NFE2L3: variants seen among roughly 807,000 people sequenced by gnomAD.
The protein encoded by NFE2L3 is NFE2 like bZIP transcription factor 3, also known as nuclear factor erythroid 2-related factor 3.
A neutral mutation model predicts 23.5 loss-of-function variants in NFE2L3; 18 were observed. That is an observed-to-expected ratio of 0.77 (90% CI 0.53 to 1.13). The LOEUF (loss-of-function observed/expected upper bound fraction) is 1.13, where lower values mean the gene tolerates loss of function less well. Ranked by LOEUF, NFE2L3 falls within the 50% of genes most tolerant of loss-of-function variation. The probability of loss-of-function intolerance (pLI) is 0.00; values close to 1 mark genes in which losing one functional copy is unlikely to be tolerated. For synonymous variants in NFE2L3, 424 were observed against 354.5 expected (o/e 1.20, Z -2.20); for missense variants, 1,152 against 877.2 (o/e 1.31, Z -3.96).
rs1213687645 is a variant in NFE2L3, at chr7:26,186,943, A to G, written c.*1160A>G. ...CACCTAGATGACTCAAGTTTGGGGA[A>G]CATCAAGATTTTGACGGGTACTATA... is the stretch of plus-strand genomic sequence containing the variant. On this transcript the variant is annotated 3_prime_UTR_variant, in exon 4 of 4. Coordinates refer to ENST00000056233, the MANE Select transcript of NFE2L3 (RefSeq NM_004289.7). The G allele has an allele frequency of 1.3e-5, 2 of 152,232 alleles. No homozygotes were observed. Among genetic ancestry groups the G allele is most frequent in the African/African-American group, 4.8e-5 (2 of 41,464 alleles). The allele number at this position is 152,232 out of a possible 1,614,324, so 9.4% of individuals were successfully genotyped here.
In NFE2L3 at chr7:26,152,609, G is replaced by T; in HGVS notation, c.111G>T (p.Pro37=). 1 of 1,542,254 alleles carries T rather than the reference G, an allele frequency of 6.5e-7. No homozygotes were observed. ...ACCTAGATCTTTACCTGCTGCTGCC[G>T]CCGCCCACCCTGCTGCAGGACGAGC... The part of the protein sequence containing the change: ...RVDLDLYLLL[P]PPTLLQDELL... The change falls in exon 1 of 4, where the codon CCG becomes CCT. Residue 37 remains proline (P), a synonymous_variant. Transcript: ENST00000056233. This position sits in a 1 kb window ranked among gnomAD's most constrained non-coding sequence, Gnocchi z 4.4.
At chr7:26,161,326 C>G (rs1784166884) in intron 1 of NFE2L3, among the ~76,000 whole-genome samples, 1 of 129,970 alleles carries the variant, frequency 7.7e-6, no homozygotes, top group African/African-American at 2.8e-5. Context: ...AATTTCTTAG[C>G]TTCTCTCTCT....
At chr7:26,177,902 A>G (rs2128099558) in intron 1 of NFE2L3, 41 bp from the exon 2 acceptor site, 1 of 1,568,710 alleles carries the variant, frequency 6.4e-7, no homozygotes, top group Non-Finnish European at 8.7e-7. Flanking sequence ...TGCAGTTTTA[A>G]AGACTGTTTG....
At position 26,186,293 on chromosome 7, in the gene NFE2L3, ATTAAC is replaced by A. The variant is rs1255605183; in HGVS notation, c.*513_*517del. ...AATAAATTTTGTATTTGTATTAAAA[ATTAAC>A]TTTTCCCTTTTATACAGAATCTGAA... On this transcript the variant is annotated 3_prime_UTR_variant, in exon 4 of 4. Transcript: ENST00000056233. 2 of 152,248 alleles carry A rather than the reference ATTAAC, an allele frequency of 1.3e-5. No individual in the cohort carries two copies. The highest frequency in any genetic ancestry group is 4.8e-5 in the African/African-American group (2 of 41,440). 9.4% of individuals were successfully genotyped at this position (152,248 alleles called of 1,614,324 possible). A position where few individuals can be genotyped will look rare whatever the true frequency, so the allele number is the denominator to read the frequency against.
intron 1 of NFE2L3, among the ~76,000 whole-genome samples, chr7:26,155,262 G>T (rs1302455805): frequency 1.3e-5 from 2 of 152,038 alleles, no homozygotes; most frequent in Non-Finnish European, 2.9e-5. Flanking sequence ...GGGCAACATG[G>T]TGAACCCCAT....
At position 26,185,677 on chromosome 7, in the gene NFE2L3, A is replaced by C. The variant is rs1164540718; in HGVS notation, c.1979A>C (p.Asn660Thr). 41 of 1,613,918 alleles carry C rather than the reference A, an allele frequency of 2.5e-5. No individual in the cohort carries two copies. The highest frequency in any genetic ancestry group is 3.5e-5 in the Non-Finnish European group (41 of 1,179,810). ...RDDQGRPVNPNHYALQCTHDG... is the reference protein window; with the variant it reads ...RDDQGRPVNPTHYALQCTHDG... ...GACCAAGGTAGGCCAGTCAATCCCA[A>C]CCACTATGCTCTCCAGTGTACCCAT... The change falls in exon 4 of 4, where the codon AAC (asparagine) becomes ACC (threonine). Residue 660 changes from asparagine to threonine, a missense_variant. By Grantham distance (65) the Asn-to-Thr change is moderately conservative. Coordinates refer to ENST00000056233, the MANE Select transcript of NFE2L3 (RefSeq NM_004289.7).
chr7:26,175,192 CAA>C (rs55911511), intron 1 of NFE2L3, among the ~76,000 whole-genome samples: 51 of 101,760 alleles, frequency 5.0e-4, no homozygotes, highest in Non-Finnish European at 5.1e-4. Context: ...TAAAAAATAC[CAA>C]AAAAAAAAAA....
intron 1 of NFE2L3, among the ~76,000 whole-genome samples, chr7:26,157,323 G>A (rs758848095): frequency 6.0e-5 from 9 of 150,910 alleles, no homozygotes; most frequent in Non-Finnish European, 1.0e-4. Flanking sequence ...GACTACAGAC[G>A]CGCACCACTG....
At chr7:26,178,347 G>A (rs1199304746) in intron 2 of NFE2L3, among the ~76,000 whole-genome samples, 1 of 152,210 alleles carries the variant, frequency 6.6e-6, no homozygotes, top group Non-Finnish European at 1.5e-5. Context: ...GATTTTGTGT[G>A]TATGTGCACA....
chr7:26,167,917 C>T (rs1450805067), intron 1 of NFE2L3, among the ~76,000 whole-genome samples: 1 of 152,040 alleles, frequency 6.6e-6, no homozygotes, highest in African/African-American at 2.4e-5. Context: ...AAATGAATAT[C>T]TGATTTTTTA....
intron 1 of NFE2L3, among the ~76,000 whole-genome samples, chr7:26,169,252 G>GA (rs1215031823): frequency 9.8e-5 from 15 of 152,344 alleles, no homozygotes; most frequent in African/African-American, 3.6e-4. Context: ...AGCAGACTCT[G>GA]AGACTGCCTT....
intron 1 of NFE2L3, among the ~76,000 whole-genome samples, chr7:26,175,308 C>T (rs1211060634): frequency 1.3e-5 from 2 of 151,816 alleles, no homozygotes; most frequent in Non-Finnish European, 1.5e-5. Flanking sequence ...TGCCGTGAGC[C>T]GAGATCTCGC....
chr7:26,160,641 G>A (rs1463751623), intron 1 of NFE2L3, among the ~76,000 whole-genome samples: 2 of 152,218 alleles, frequency 1.3e-5, no homozygotes, highest in African/African-American at 2.4e-5. Context: ...GGAAACCTCA[G>A]TTTTGCTCTT....
chr7:26,176,582 G>C (rs1443832390), intron 1 of NFE2L3, among the ~76,000 whole-genome samples: 1 of 105,702 alleles, frequency 9.5e-6, no homozygotes, highest in Non-Finnish European at 2.0e-5. Context: ...CTTCCCAGAC[G>C]GGGTGGCCAG....
intron 3 of NFE2L3, 24 bp from the exon 4 acceptor site, chr7:26,184,509 A>C: frequency 6.3e-7 from 1 of 1,584,248 alleles, no homozygotes; most frequent in Non-Finnish European, 8.6e-7. Context: ...TTCATGTTTG[A>C]AGTGTTTCTC....
chr7:26,167,518 G>A (rs1036647017), intron 1 of NFE2L3, among the ~76,000 whole-genome samples: 1 of 151,190 alleles, frequency 6.6e-6, no homozygotes. Flanking sequence ...TGTGGCAGGT[G>A]TGAAAATGTA....
Position 26,155,586 on chromosome 7 carries a change from T to A in NFE2L3, c.570+2518T>A, listed in dbSNP as rs371674016. The stretch of plus-strand genomic sequence containing the variant: ...GCACATTAATTAAGTACCTACACGG[T>A]ACTCAAGCTCTTGGGACATCTAGGA... On this transcript the variant is annotated intron_variant, in intron 1 of 3. Transcript: ENST00000056233. Among the ~76,000 whole-genome samples, 4 of 152,320 alleles carry A rather than the reference T, an allele frequency of 2.6e-5. No homozygotes were observed. The East Asian group carries it at 7.7e-4, about 29-fold the overall frequency.
At chr7:26,166,089 ACTG>A (rs1206458773) in intron 1 of NFE2L3, among the ~76,000 whole-genome samples, 1 of 144,556 alleles carries the variant, frequency 6.9e-6, no homozygotes, top group Non-Finnish European at 1.5e-5. Flanking sequence ...TTCTGCCAGC[ACTG>A]CTGTTGTAAT....
In NFE2L3 at chr7:26,185,869, A is replaced by C; in HGVS notation, c.*86A>C. The C allele has an allele frequency of 9.0e-7, 1 of 1,116,488 alleles. No individual in the cohort carries two copies. The highest frequency in any genetic ancestry group is 1.3e-6 in the Non-Finnish European group (1 of 796,172). The allele number at this position is 1,116,488 out of a possible 1,614,324, so 69.2% of individuals were successfully genotyped here. On this transcript the variant is annotated 3_prime_UTR_variant, in exon 4 of 4. Coordinates refer to ENST00000056233, the MANE Select transcript of NFE2L3 (RefSeq NM_004289.7). ...GATCAGAAACCATTGAAACTGCTTC[A>C]AGAATTGTATCTTTAAGTACTGCTA... is the stretch of plus-strand genomic sequence containing the variant.
Sources: allele counts gnomAD v4.1 joint callset (sites outside exome capture counted in the v4.1 genomes callset), GRCh38; gene constraint gnomAD v4.1.1; non-coding constraint Gnocchi (gnomAD v3.1); transcripts MANE v1.5; gene names NCBI Gene and HGNC (gene_info 2026-07-23, HGNC 2026-07-21).